GPD2: variants seen among roughly 807,000 people sequenced by gnomAD.
GPD2 encodes the protein glycerol-3-phosphate dehydrogenase, mitochondrial.
In GPD2, 54 loss-of-function variants were observed where a neutral mutation model predicts 82.4. The observed-to-expected ratio is 0.66, with a 90% CI of 0.53 to 0.82. GPD2 has a LOEUF of 0.82. Ranked by LOEUF, GPD2 falls within the 40% of genes least tolerant of loss-of-function variation. GPD2 has a pLI of 0.00. For synonymous variants in GPD2, 288 were observed against 306.1 expected, an observed-to-expected ratio of 0.94 and a Z score of 0.62; for missense variants, 748 against 896.2, an observed-to-expected ratio of 0.83 and a Z score of 2.11.
At chr2:156,428,360 T>C in the GPD2 span, among the ~76,000 whole-genome samples, 1 of 152,216 alleles carries the variant, frequency 6.6e-6, no homozygotes. Context: ...AGACCCACTT[T>C]AGGAAGGCCA....
intron 6 of GPD2, among the ~76,000 whole-genome samples, chr2:156,531,769 T>C (rs1173042380): frequency 6.6e-6 from 1 of 152,064 alleles, no homozygotes; most frequent in Non-Finnish European, 1.5e-5. Flanking sequence ...CACAACACAA[T>C]GGGGCCTTCA....
upstream of GPD2, among the ~76,000 whole-genome samples, chr2:156,432,405 G>A (rs147637959): frequency 6.7e-4 from 102 of 152,226 alleles, no homozygotes; most frequent in African/African-American, 2.3e-3. Flanking sequence ...TTCAGCCCCT[G>A]TCCCCCTCCC....
intron 7 of GPD2, among the ~76,000 whole-genome samples, chr2:156,550,370 A>G (rs1686710375): frequency 6.6e-6 from 1 of 152,242 alleles, no homozygotes; most frequent in South Asian, 2.1e-4. Context: ...GACAGAATCC[A>G]TAATGAGAAA....
At chr2:156,559,092 CT>C (rs1687073933) in intron 9 of GPD2, among the ~76,000 whole-genome samples, 1 of 152,076 alleles carries the variant, frequency 6.6e-6, no homozygotes, top group Admixed American at 6.5e-5. Context: ...CTGGGACACC[CT>C]TTTCCCCAAC....
intron 6 of GPD2, among the ~76,000 whole-genome samples, chr2:156,517,781 G>A (rs1000640105): frequency 6.6e-6 from 1 of 152,052 alleles, no homozygotes; most frequent in Non-Finnish European, 1.5e-5. Flanking sequence ...TTTGTTCCCA[G>A]AGTGGATCTT....
At chr2:156,425,859 A>AAG in the GPD2 span, among the ~76,000 whole-genome samples, 2 of 152,126 alleles carry the variant, frequency 1.3e-5, no homozygotes, top group African/African-American at 4.8e-5. Context: ...TGTGTGATAA[A>AAG]AGCATATACT....
At chr2:156,578,855 G>T in intron 13 of GPD2, 34 bp from the exon 14 acceptor site, 1 of 1,178,168 alleles carries the variant, frequency 8.5e-7, no homozygotes, top group Non-Finnish European at 1.3e-6. Flanking sequence ...ATATTTCCAT[G>T]TGTCTTTGAA....
At position 156,579,111 on chromosome 2, in the gene GPD2, G is replaced by A. The variant is rs952705376; in HGVS notation, c.1906G>A (p.Asp636Asn). 1 of 1,609,044 alleles carries A rather than the reference G, an allele frequency of 6.2e-7. No homozygotes were observed. The highest frequency in any genetic ancestry group is 8.5e-7 in the Non-Finnish European group (1 of 1,175,836). ...DRYKKRFHKF[D>N]ADQKGFITIV... is the part of the protein sequence containing the mutation. ...GTATAAGAAGAGATTTCATAAGTTT[G>A]ATGCAGACCAGAAAGGCTTTATTAC... is the stretch of plus-strand genomic sequence containing the variant. Residue 636 changes from aspartate to asparagine, a missense_variant, in exon 15 of 17, where the codon GAT becomes AAT. Coordinates refer to ENST00000438166, the MANE Select transcript of GPD2 (RefSeq NM_000408.5).
chr2:156,479,457 G>T (rs1683641817), intron 2 of GPD2, among the ~76,000 whole-genome samples: 1 of 152,128 alleles, frequency 6.6e-6, no homozygotes. Flanking sequence ...CTATTACTTA[G>T]GTTTATCAAT....
chr2:156,490,356 T>G (rs1253020750), intron 2 of GPD2, among the ~76,000 whole-genome samples: 1 of 151,468 alleles, frequency 6.6e-6, no homozygotes, highest in Non-Finnish European at 1.5e-5. Flanking sequence ...GGTACTTAGC[T>G]TCTCAGTTGC....
intron 1 of GPD2, among the ~76,000 whole-genome samples, chr2:156,458,780 C>T (rs1445263029): frequency 6.6e-6 from 1 of 151,974 alleles, no homozygotes; most frequent in Non-Finnish European, 1.5e-5. Flanking sequence ...TTTCAGGTCT[C>T]TTTCTCTTAT....
Position 156,460,241 on chromosome 2 carries a change from C to G in GPD2, c.-8-15857C>G, listed in dbSNP as rs78388240. On this transcript the variant is annotated intron_variant, in intron 1 of 16. Coordinates refer to ENST00000438166, the MANE Select transcript of GPD2 (RefSeq NM_000408.5). ...CTATGTGATTTGACTGAGAACAGTACGATCCTAGCCCACTGGGGTCTGGTG... is the reference window on the plus strand; with the variant it reads ...CTATGTGATTTGACTGAGAACAGTAGGATCCTAGCCCACTGGGGTCTGGTG... Among the ~76,000 whole-genome samples the G allele has an allele frequency of 3.3e-5, 5 of 152,290 alleles. No individual in the cohort carries two copies. The East Asian group carries it at 7.7e-4, about 23-fold the overall frequency.
chr2:156,452,720 G>A (rs545762495), intron 1 of GPD2, among the ~76,000 whole-genome samples: 1 of 152,344 alleles, frequency 6.6e-6, no homozygotes, highest in Admixed American at 6.5e-5. Context: ...TGATTAAGTA[G>A]AGAAGAGGAG....
intron 6 of GPD2, among the ~76,000 whole-genome samples, chr2:156,530,062 T>C (rs1157720896): frequency 2.0e-5 from 3 of 149,900 alleles, no homozygotes; most frequent in Non-Finnish European, 4.4e-5. Context: ...TGATTCTTCC[T>C]ACCCATGAGC....
At chr2:156,569,737 T>C (rs1687542344) in intron 11 of GPD2, among the ~76,000 whole-genome samples, 199 bp downstream of exon 11, 1 of 152,180 alleles carries the variant, frequency 6.6e-6, no homozygotes, top group Non-Finnish European at 1.5e-5. Context: ...TTATGAAATG[T>C]ATTTTATTAA....
chr2:156,523,389 A>G (rs2105291622), intron 6 of GPD2, among the ~76,000 whole-genome samples: 1 of 152,330 alleles, frequency 6.6e-6, no homozygotes, highest in South Asian at 2.1e-4. Context: ...ACTTTTAAAA[A>G]GTAGCCAAAT....
chr2:156,578,839 A>T (rs1452254911), intron 13 of GPD2, 50 bp from the exon 14 acceptor site: 1 of 1,092,850 alleles, frequency 9.2e-7, no homozygotes, highest in Admixed American at 1.7e-5. Context: ...AGGAGGAAAA[A>T]AATCAATATT....
intron 1 of GPD2, among the ~76,000 whole-genome samples, chr2:156,454,743 T>C (rs1341062625): frequency 6.6e-6 from 1 of 151,972 alleles, no homozygotes; most frequent in African/African-American, 2.4e-5. Context: ...ATTGGTCTTC[T>C]GGTGATGACT....
At chr2:156,490,121 G>A (rs998692487) in intron 2 of GPD2, among the ~76,000 whole-genome samples, 2 of 152,134 alleles carry the variant, frequency 1.3e-5, no homozygotes, top group Non-Finnish European at 2.9e-5. Context: ...GGCAGGTCTA[G>A]GAAGATTTGG....
Sources: allele counts gnomAD v4.1 joint callset (sites outside exome capture counted in the v4.1 genomes callset), GRCh38; gene constraint gnomAD v4.1.1; transcripts MANE v1.5; gene names NCBI Gene and HGNC (gene_info 2026-07-23, HGNC 2026-07-21).